POU2F2: variants seen among roughly 807,000 people sequenced by gnomAD.
POU2F2 encodes the protein POU domain, class 2, transcription factor 2.
POU2F2 carries 14 observed loss-of-function variants against 63.5 expected under a neutral mutation model. The ratio of observed to expected loss-of-function variants is 0.22; its 90% CI spans 0.15 to 0.34. The LOEUF is 0.34. Among genes scored for constraint, POU2F2 ranks in the 10% least tolerant of loss-of-function variants. POU2F2 has a pLI of 1.00. For synonymous variants in POU2F2, 306 were observed against 348.6 expected (o/e 0.88, Z 1.36); for missense variants, 607 against 815.2 (o/e 0.74, Z 3.11).
rs191901632 is a variant in POU2F2 at position 42,169,937 on chromosome 19, G to A, written c.-70+6026C>T. Among the ~76,000 whole-genome samples, 2 of 152,164 alleles carry A rather than the reference G, an allele frequency of 1.3e-5. No individual in the cohort carries two copies. Among genetic ancestry groups the A allele is most frequent in the African/African-American group, 2.4e-5 (1 of 41,520 alleles). On this transcript the variant is annotated intron_variant, in intron 1 of 6. Transcript: ENST00000524801. The surrounding 1 kb of genome is among the most constrained non-coding windows in gnomAD (Gnocchi z 4.3). The stretch of plus-strand genomic sequence containing the variant: ...ATGGGGAGGGGGCCGGGGTGTCAGC[G>A]AGCTCCTGTGTCACAAGGTTAATTT...
chr19:42,184,097 T>C (rs1482478250), intron 1 of POU2F2, among the ~76,000 whole-genome samples: 1 of 150,992 alleles, frequency 6.6e-6, no homozygotes, highest in African/African-American at 2.4e-5. Flanking sequence ...ACCTCGACCT[T>C]CTCCTGCCTC....
At chr19:42,125,500 C>A (rs1199572916) in intron 1 of POU2F2, among the ~76,000 whole-genome samples, 1 of 152,092 alleles carries the variant, frequency 6.6e-6, no homozygotes, top group East Asian at 1.9e-4. Context: ...ATAAGAAGGA[C>A]AAGAAGGGAG....
intron 1 of POU2F2, among the ~76,000 whole-genome samples, chr19:42,163,672 C>T (rs779436067): frequency 2.6e-5 from 4 of 152,162 alleles, no homozygotes; most frequent in Non-Finnish European, 4.4e-5. Context: ...CCCAAGTGGT[C>T]CCCGGCTCCC....
chr19:42,120,489 G>A (rs2032478037), intron 4 of POU2F2, among the ~76,000 whole-genome samples: 1 of 152,064 alleles, frequency 6.6e-6, no homozygotes. Context: ...CAAACTGTTG[G>A]GAATACAGGC....
At chr19:42,130,280 T>C (rs1033546775) in intron 1 of POU2F2, among the ~76,000 whole-genome samples, 4 of 152,014 alleles carry the variant, frequency 2.6e-5, no homozygotes, top group Non-Finnish European at 5.9e-5. Context: ...CACCCAGACA[T>C]GCACATGCTC....
At chr19:42,195,087 AAGGG>A (rs373960113) in intron 1 of POU2F2, among the ~76,000 whole-genome samples, 23 of 8,726 alleles carry the variant, frequency 2.6e-3, no homozygotes, top group Admixed American at 6.0e-3. Flanking sequence ...GGGAGGGAGG[AAGGG>A]AGGAAGGAAG....
chr19:42,121,972 G>T, intron 4 of POU2F2, 154 bp downstream of exon 4: 1 of 778,632 alleles, frequency 1.3e-6, no homozygotes, highest in Non-Finnish European at 2.1e-6. Flanking sequence ...TCACAGGCCT[G>T]GGGTGGGAGC....
intron 5 of POU2F2, among the ~76,000 whole-genome samples, chr19:42,100,875 G>A (rs531875076): frequency 7.2e-5 from 11 of 152,236 alleles, no homozygotes; most frequent in Non-Finnish European, 1.2e-4. Flanking sequence ...CGAGCCAGGC[G>A]GATCACGAGG....
At chr19:42,135,595 G>A (rs1289813504), upstream of POU2F2, among the ~76,000 whole-genome samples, 13 of 151,962 alleles carry the variant, frequency 8.6e-5, no homozygotes, top group South Asian at 1.9e-3. Context: ...TGGCCCACCC[G>A]AGACACTGCT....
At chr19:42,118,505 T>C (rs1187857663) in intron 4 of POU2F2, among the ~76,000 whole-genome samples, 1 of 152,270 alleles carries the variant, frequency 6.6e-6, no homozygotes, top group East Asian at 1.9e-4. Flanking sequence ...GCATTTGTCC[T>C]GCACTGTGGA....
chr19:42,180,518 C>T (rs1359271307), upstream of POU2F2, among the ~76,000 whole-genome samples: 1 of 152,110 alleles, frequency 6.6e-6, no homozygotes, highest in Non-Finnish European at 1.5e-5. Context: ...CTAGGAGGAG[C>T]TATGGACAGC....
chr19:42,176,212 C>A (rs2034875458), upstream of POU2F2, among the ~76,000 whole-genome samples: 1 of 152,170 alleles, frequency 6.6e-6, no homozygotes, highest in Non-Finnish European at 1.5e-5. Flanking sequence ...CTCTCCGAAG[C>A]GCCGCAGCCA....
chr19:42,115,312 C>T lies in POU2F2; in HGVS notation c.369+1938G>A, dbSNP rs545884268. 1.9e-3 allele frequency among the ~76,000 whole-genome samples: 285 copies of T among 152,192 alleles called. 1 individual carries two copies. Among genetic ancestry groups the T allele is most frequent in the African/African-American group, 6.1e-3 (255 of 41,534 alleles). On this transcript the variant is annotated intron_variant, in intron 5 of 14. Transcript: ENST00000692977. ...ATGGGAGCATTGGCCAATAATGGAA[C>T]GGGCCATTATTGGGGTGAACTGTAA...
chr19:42,122,153 G>A lies in POU2F2; in HGVS notation c.159C>T (p.Ser53=), dbSNP rs915908699. The A allele has an allele frequency of 1.1e-5, 17 of 1,613,436 alleles. No individual in the cohort carries two copies. Among genetic ancestry groups the A allele is most frequent in the South Asian group, 3.3e-5 (3 of 91,064 alleles). Residue 53 remains serine (S), a synonymous_variant, in exon 4 of 15, where the codon TCC becomes TCT. Coordinates refer to ENST00000692977, the MANE Select transcript of POU2F2 (RefSeq NM_001394376.1). ...QNPQNKTSPF[S]VSPTGPSTKV... ...TTGTACTGGGGCCAGTTGGGGACACGGAGAATGGGGAGGTCTTATTTTGGG... is the reference window on the plus strand; with the variant it reads ...TTGTACTGGGGCCAGTTGGGGACACAGAGAATGGGGAGGTCTTATTTTGGG...
chr19:42,121,167 C>T (rs961026147), intron 4 of POU2F2, among the ~76,000 whole-genome samples: 3 of 152,160 alleles, frequency 2.0e-5, no homozygotes, highest in Non-Finnish European at 4.4e-5. Context: ...AATGGATACA[C>T]GCTGTGCTCT....
chr19:42,174,810 T>TG (rs1356251665), intron 1 of POU2F2, among the ~76,000 whole-genome samples: 2 of 151,784 alleles, frequency 1.3e-5, no homozygotes, highest in South Asian at 2.1e-4. Flanking sequence ...CCTTATATCC[T>TG]GGGGGGTGGA....
chr19:42,126,259 A>C (rs915362853), intron 1 of POU2F2, among the ~76,000 whole-genome samples: 1 of 152,014 alleles, frequency 6.6e-6, no homozygotes, highest in Non-Finnish European at 1.5e-5. Flanking sequence ...CCTAACCAAC[A>C]ATGTGAAATC....
chr19:42,091,195 T>A lies in POU2F2; in HGVS notation c.*62A>T. ...GTCCCCACCACTGGCCTCCTCGCCC[T>A]CTTCCCAGGCAAGGGACCAAGGCAG... is the stretch of plus-strand genomic sequence containing the variant. On this transcript the variant is annotated 3_prime_UTR_variant, in exon 15 of 15. Transcript: ENST00000692977. 5 of 1,370,162 alleles carry A rather than the reference T, an allele frequency of 3.6e-6. No individual in the cohort carries two copies. Among genetic ancestry groups the A allele is most frequent in the Non-Finnish European group, 4.8e-6 (5 of 1,043,390 alleles). 84.9% of individuals were successfully genotyped at this position (1,370,162 alleles called of 1,614,324 possible). A position where few individuals can be genotyped will look rare whatever the true frequency, so the allele number is the denominator to read the frequency against.
At position 42,095,532 on chromosome 19, in the gene POU2F2, A is replaced by AG; in HGVS notation, c.1020+12dup. ...CCCTCAGGTGAGGGCCACCCAGGAG[A>AG]GGGGGGCCTCACCGCTAGAAAACTC... On this transcript the variant is annotated intron_variant, in intron 10 of 14. Transcript: ENST00000692977. The surrounding 1 kb of genome is among the most constrained non-coding windows in gnomAD (Gnocchi z 7.1). 1.9e-6 allele frequency: 3 copies of AG among 1,600,322 alleles called. No homozygotes were observed. Among genetic ancestry groups the AG allele is most frequent in the South Asian group, 1.1e-5 (1 of 90,000 alleles).
Sources: gnomAD v4.1 joint callset for allele counts (sites outside exome capture counted in the v4.1 genomes callset) on GRCh38, gnomAD v4.1.1 for gene constraint, Gnocchi (gnomAD v3.1) non-coding constraint, MANE v1.5 for transcripts, NCBI Gene and HGNC (gene_info 2026-07-23, HGNC 2026-07-21) for gene names.